Variants in PMP22 observed in about 807,000 individuals in gnomAD.
PMP22 encodes Charcot-Marie-Tooth neuropathy 1A (greatly reduced nerve conduction velocity, hereditary motor sensory neuropathy Ia).
In PMP22, 2 loss-of-function variants were observed where a neutral mutation model predicts 18.9. The observed-to-expected ratio is 0.11, with a 90% CI of 0.04 to 0.33. The LOEUF (loss-of-function observed/expected upper bound fraction) is 0.33, where lower values mean the gene tolerates loss of function less well. PMP22 is among the 10% of genes least tolerant of loss of function. PMP22 has a pLI of 1.00. For synonymous variants in PMP22, 95 were observed against 89.2 expected (o/e 1.07, Z -0.37); for missense variants, 169 against 202.2 (o/e 0.84, Z 1.00).
Position 15,258,542 on chromosome 17 carries a change from G to C in PMP22, c.178+552C>G, listed in dbSNP as rs1051779166. Among the ~76,000 whole-genome samples the C allele has an allele frequency of 6.6e-5, 10 of 152,134 alleles. No individual in the cohort carries two copies. The highest frequency in any genetic ancestry group is 2.4e-4 in the African/African-American group (10 of 41,422). On this transcript the variant is annotated intron_variant, in intron 3 of 4. Coordinates refer to ENST00000312280, the MANE Select transcript of PMP22 (RefSeq NM_000304.4). This position sits in a 1 kb window ranked among gnomAD's most constrained non-coding sequence, Gnocchi z 4.1. Reference sequence around the variant, plus strand: ...GGCTTAGCTTAGGGTTTTGCAAATAGCTTCAAGTCCCCATCTTGCAACAAG... The same window carrying C: ...GGCTTAGCTTAGGGTTTTGCAAATACCTTCAAGTCCCCATCTTGCAACAAG...
chr17:15,259,951 AAAAAG>A (rs1389539014), intron 2 of PMP22, among the ~76,000 whole-genome samples: 57 of 151,424 alleles, frequency 3.8e-4, no homozygotes, highest in East Asian at 1.5e-3. Flanking sequence ...AAAAAAAAAA[AAAAAG>A]AAAAGAAAAG....
At chr17:15,263,611 A>G (rs553470598) in intron 1 of PMP22, among the ~76,000 whole-genome samples, 7 of 147,766 alleles carry the variant, frequency 4.7e-5, no homozygotes, top group African/African-American at 1.3e-4. Context: ...ACACTTCCCT[A>G]CCTCTAGTGT....
chr17:15,230,978 A>G lies in PMP22; in HGVS notation c.422T>C (p.Val141Ala). ...SYGFAYILAWVAFPLALLSGV... is the reference protein window; with the variant it reads ...SYGFAYILAWAAFPLALLSGV... ...GCTGAGAAGGGCCAGGGGGAAGGCC[A>G]CCCAGGCCAGGATGTAGGCGAAACC... The change falls in exon 5 of 5, where the codon GTG becomes GCG. Residue 141 changes from valine to alanine, a missense_variant. Transcript: ENST00000312280. 6.2e-7 allele frequency: 1 copy of G among 1,614,126 alleles called. No homozygotes were observed. Among genetic ancestry groups the G allele is most frequent in the South Asian group, 1.1e-5 (1 of 91,088 alleles).
At chr17:15,251,770 A>G (rs2150696386) in intron 3 of PMP22, 1 of 152,124 alleles carries the variant, frequency 6.6e-6, no homozygotes, top group Admixed American at 6.5e-5. Context: ...CCACAACCTC[A>G]GGCTGCACCA....
chr17:15,235,103 C>T (rs1330261984), intron 4 of PMP22: 1 of 649,578 alleles, frequency 1.5e-6, no homozygotes, highest in Non-Finnish European at 2.8e-6. Flanking sequence ...TACAGGCATT[C>T]GCCACCACAC....
intron 4 of PMP22, 52 bp downstream of exon 4, chr17:15,239,419 G>T (rs373779002): frequency 4.4e-6 from 7 of 1,599,782 alleles, no homozygotes; most frequent in Non-Finnish European, 6.0e-6. Flanking sequence ...TAATCATTCC[G>T]CAGACTTGGA....
Position 15,260,769 on chromosome 17 carries a change from G to T in PMP22, c.-34-8C>A, listed in dbSNP as rs773965221. The T allele has an allele frequency of 1.3e-6, 2 of 1,515,304 alleles. No individual in the cohort carries two copies. The highest frequency in any genetic ancestry group is 2.4e-5 in the South Asian group (2 of 83,340). 93.9% of individuals were successfully genotyped at this position (1,515,304 alleles called of 1,614,324 possible). On this transcript the variant is annotated splice_region_variant and splice_polypyrimidine_tract_variant and intron_variant, in intron 1 of 4. Coordinates refer to ENST00000312280, the MANE Select transcript of PMP22 (RefSeq NM_000304.4). ...GCTCAGCGGAGTTTCTGCCTGCGAG[G>T]AGAGCGCTGGGCGTGAGGCCGAACG...
chr17:15,233,934 GC>G (rs1183979719), intron 4 of PMP22, among the ~76,000 whole-genome samples: 12 of 152,182 alleles, frequency 7.9e-5, no homozygotes, highest in Non-Finnish European at 1.6e-4. Flanking sequence ...TGTTAAGGAA[GC>G]TGTGATGAGA....
At chr17:15,262,918 C>G (rs889847260) in intron 1 of PMP22, among the ~76,000 whole-genome samples, 3 of 152,144 alleles carry the variant, frequency 2.0e-5, no homozygotes, top group African/African-American at 7.2e-5. Context: ...CTTCTGGGCC[C>G]GCCGACGCCG....
In PMP22 at chr17:15,259,186, A is replaced by T; in HGVS notation, c.86T>A (p.Ile29Asn). The stretch of plus-strand genomic sequence containing the variant: ...ATCAGTTGCGTGTCCATTGCCCACG[A>T]TCCATTGCTAGAGAGAATCAGATAG... The part of the protein sequence containing the change: ...LFVSTIVSQW[I>N]VGNGHATDLW... The change falls in exon 3 of 5, where the codon ATC becomes AAC. Residue 29 changes from isoleucine to asparagine, a missense_variant. Physicochemically the swap from Ile to Asn is moderately radical, Grantham distance 149. Transcript: ENST00000312280. 6.2e-7 allele frequency: 1 copy of T among 1,611,454 alleles called. No individual in the cohort carries two copies. The highest frequency in any genetic ancestry group is 1.3e-5 in the African/African-American group (1 of 74,978).
intron 3 of PMP22, among the ~76,000 whole-genome samples, chr17:15,249,446 C>T (rs1908129992): frequency 6.6e-6 from 1 of 152,200 alleles, no homozygotes; most frequent in African/African-American, 2.4e-5. Context: ...CACTACAACA[C>T]ACTGGGGGTG....
At position 15,240,561 on chromosome 17, in the gene PMP22, A is replaced by G. The variant is rs542200815; in HGVS notation, c.179-950T>C. On this transcript the variant is annotated intron_variant, in intron 3 of 4. Coordinates refer to ENST00000312280, the MANE Select transcript of PMP22 (RefSeq NM_000304.4). Reference sequence around the variant, plus strand: ...CCAAGCTTCCAACTGAAATTCAGGCAAGAAGACAGAGCCTCCTATGGTTTC... The same window carrying G: ...CCAAGCTTCCAACTGAAATTCAGGCGAGAAGACAGAGCCTCCTATGGTTTC... 7.2e-5 allele frequency among the ~76,000 whole-genome samples: 11 copies of G among 152,246 alleles called. No homozygotes were observed. In the South Asian group the frequency reaches 2.3e-3, roughly 32 times the overall value.
At chr17:15,248,163 G>A (rs976409355) in intron 3 of PMP22, among the ~76,000 whole-genome samples, 7 of 152,242 alleles carry the variant, frequency 4.6e-5, no homozygotes, top group African/African-American at 1.7e-4. Context: ...CCCAGCTGGT[G>A]GCTTTGAAAT....
intron 3 of PMP22, among the ~76,000 whole-genome samples, chr17:15,248,277 C>T (rs906877683): frequency 6.6e-6 from 1 of 152,038 alleles, no homozygotes; most frequent in African/African-American, 2.4e-5. Flanking sequence ...ATGAAGGTGA[C>T]GTGGGCGGCT....
In PMP22 at chr17:15,239,513, C is replaced by A. The variant is rs778693173; in HGVS notation, c.277G>T (p.Gly93Trp). ...ATTCCAGTGATGTAAAACCTGCCCC[C>A]CTTGGTGAGGGTGAAGAGTTGGCAG... ...FFCQLFTLTKGGRFYITGIFQ... is the reference protein window; with the variant it reads ...FFCQLFTLTKWGRFYITGIFQ... Residue 93 changes from glycine (G) to tryptophan (W), a missense_variant, in exon 4 of 5, where the codon GGG becomes TGG. Gly to Trp is a radical substitution (Grantham distance 184). Transcript: ENST00000312280. The A allele has an allele frequency of 1.2e-6, 2 of 1,614,144 alleles. No individual in the cohort carries two copies. Among genetic ancestry groups the A allele is most frequent in the Non-Finnish European group, 8.5e-7 (1 of 1,179,986 alleles).
chr17:15,239,760 A>G (rs1286604654), intron 3 of PMP22, 149 bp from the exon 4 acceptor site: 17 of 704,172 alleles, frequency 2.4e-5, no homozygotes, highest in Non-Finnish European at 2.4e-5. Flanking sequence ...AGCAGAACTC[A>G]GACAATTCAC....
rs1906246799 is a variant in PMP22, at chr17:15,230,867, C to T, written c.*50G>A. The T allele has an allele frequency of 1.3e-6, 2 of 1,599,428 alleles. No homozygotes were observed. The highest frequency in any genetic ancestry group is 8.6e-7 in the Non-Finnish European group (1 of 1,168,112). The stretch of plus-strand genomic sequence containing the variant: ...CTTTGTCTGCTTTCTGTTTTCCCTT[C>T]CTCCCTTCCCTATGTACGCTCAGAG... On this transcript the variant is annotated 3_prime_UTR_variant, in exon 5 of 5. Coordinates refer to ENST00000312280, the MANE Select transcript of PMP22 (RefSeq NM_000304.4).
At chr17:15,239,702 T>A in intron 3 of PMP22, 91 bp from the exon 4 acceptor site, 1 of 1,266,960 alleles carries the variant, frequency 7.9e-7, no homozygotes, top group Non-Finnish European at 1.2e-6. Context: ...CCATGACTGC[T>A]GACAGCACAG....
chr17:15,251,909 A>G (rs186216989), intron 3 of PMP22, among the ~76,000 whole-genome samples: 1 of 152,182 alleles, frequency 6.6e-6, no homozygotes, highest in East Asian at 1.9e-4. Flanking sequence ...CACAGGTTCA[A>G]ACAAACATTT....
Sources: gnomAD v4.1 joint callset for allele counts (sites outside exome capture counted in the v4.1 genomes callset) on GRCh38, gnomAD v4.1.1 for gene constraint, Gnocchi (gnomAD v3.1) non-coding constraint, MANE v1.5 for transcripts, NCBI Gene and HGNC (gene_info 2026-07-23, HGNC 2026-07-21) for gene names.